The following TSNAX variants were observed in gnomAD, a reference collection of about 807,000 sequenced individuals.
The protein encoded by TSNAX is translin-associated protein X.
Under a neutral mutation model 33.0 loss-of-function variants are expected in TSNAX, and 12 were observed. The observed-to-expected ratio is 0.36, with a 90% CI of 0.23 to 0.59. The LOEUF (loss-of-function observed/expected upper bound fraction) is 0.59, where lower values mean the gene tolerates loss of function less well. Ranked by LOEUF, TSNAX falls within the 20% of genes least tolerant of loss-of-function variation. TSNAX has a pLI of 0.74. For missense variants in TSNAX, 267 were observed against 341.3 expected, an observed-to-expected ratio of 0.78 and a Z score of 1.72; for synonymous variants, 110 against 117.2, an observed-to-expected ratio of 0.94 and a Z score of 0.40.
chr1:231,557,496 A>C (rs938112794), intron 4 of TSNAX, among the ~76,000 whole-genome samples: 1 of 152,196 alleles, frequency 6.6e-6, no homozygotes, highest in Non-Finnish European at 1.5e-5. Flanking sequence ...GCTAGATTGA[A>C]GTAGGTTGAG....
At chr1:231,542,332 TCTCC>T (rs1207080754) in intron 3 of TSNAX, 145 bp from the exon 4 acceptor site, 1 of 728,438 alleles carries the variant, frequency 1.4e-6, no homozygotes, top group Non-Finnish European at 2.1e-6. Flanking sequence ...ATTTTCATGT[TCTCC>T]ATACTATGAA....
chr1:231,559,317 TTTGTTG>T lies in TSNAX; in HGVS notation c.368-1790_368-1785del, dbSNP rs71179786. Among the ~76,000 whole-genome samples, 677 of 151,320 alleles carry T rather than the reference TTTGTTG, an allele frequency of 4.5e-3. 5 individuals are homozygous for T. Among genetic ancestry groups the T allele is most frequent in the African/African-American group, 0.015 (637 of 41,152 alleles). On this transcript the variant is annotated intron_variant, in intron 4 of 5. Transcript: ENST00000366639. ...TGAAAATTGTGGCTATAGAATATAG[TTTGTTG>T]TTGTTGTTGTTGTTGTTGTTTTTGA...
chr1:231,534,854 A>G (rs979601050), intron 2 of TSNAX: 7 of 152,234 alleles, frequency 4.6e-5, no homozygotes, highest in African/African-American at 1.7e-4. Flanking sequence ...TGGTGAAACA[A>G]GTGCATTTAC....
chr1:231,533,734 TTTA>T (rs147835883), intron 2 of TSNAX, among the ~76,000 whole-genome samples: 3,366 of 152,306 alleles, frequency 0.022, 127 homozygotes, highest in African/African-American at 0.077. Context: ...CCACTTTTGC[TTTA>T]TTATTCTCTC....
At chr1:231,557,497 G>C (rs1323212449) in intron 4 of TSNAX, among the ~76,000 whole-genome samples, 4 of 152,204 alleles carry the variant, frequency 2.6e-5, no homozygotes, top group Non-Finnish European at 1.5e-5. Flanking sequence ...CTAGATTGAA[G>C]TAGGTTGAGA....
At chr1:231,554,791 A>T (rs1660581769) in intron 4 of TSNAX, 1 of 152,178 alleles carries the variant, frequency 6.6e-6, no homozygotes, top group African/African-American at 2.4e-5. Flanking sequence ...TTTTATATGG[A>T]GATGACTGTC....
rs144624165 is a variant in TSNAX, at chr1:231,531,612, C to T, written c.121+2253C>T. On this transcript the variant is annotated intron_variant, in intron 2 of 5. Coordinates refer to ENST00000366639, the MANE Select transcript of TSNAX (RefSeq NM_005999.3). ...AATGAATACATATTGATTATCTTAA[C>T]CCTGGCCTAGTTATTATCTCAGTAA... Among the ~76,000 whole-genome samples the T allele has an allele frequency of 5.9e-4, 90 of 152,180 alleles. 1 individual carries two copies. Among genetic ancestry groups the T allele is most frequent in the Admixed American group, 5.5e-3 (84 of 15,296 alleles).
At chr1:231,556,647 G>A (rs1660715561) in intron 4 of TSNAX, among the ~76,000 whole-genome samples, 2 of 152,188 alleles carry the variant, frequency 1.3e-5, no homozygotes, top group Admixed American at 6.5e-5. Flanking sequence ...GAAAATATGT[G>A]TGTATTGCCT....
Position 231,532,163 on chromosome 1 carries a change from CACACACACACACACACACACACAG to C in TSNAX, c.121+2805_121+2828del, listed in dbSNP as rs1172375050. On this transcript the variant is annotated intron_variant, in intron 2 of 5. Coordinates refer to ENST00000366639, the MANE Select transcript of TSNAX (RefSeq NM_005999.3). ...ACACACACACACACACACACACACA[CACACACACACACACACACACACAG>C]TTTTGGTTTTTTTTTTTTTTTGGAG... 5.8e-3 allele frequency among the ~76,000 whole-genome samples: 539 copies of C among 92,570 alleles called. 6 individuals carry two copies. The highest frequency in any genetic ancestry group is 0.018 in the African/African-American group (506 of 27,380). The allele number at this position is 92,570 out of a possible 152,430, so 60.7% of individuals were successfully genotyped here.
chr1:231,538,517 G>A (rs1180574147), intron 3 of TSNAX, among the ~76,000 whole-genome samples: 1 of 152,100 alleles, frequency 6.6e-6, no homozygotes, highest in South Asian at 2.1e-4. Context: ...CCTGTTTCAC[G>A]AGAGGTAGAA....
intron 4 of TSNAX, among the ~76,000 whole-genome samples, chr1:231,556,386 T>C (rs1660695602): frequency 6.6e-6 from 1 of 152,194 alleles, no homozygotes; most frequent in African/African-American, 2.4e-5. Flanking sequence ...TGAATGAAAC[T>C]AAACTATATG....
At chr1:231,541,958 C>T (rs184541876) in intron 3 of TSNAX, among the ~76,000 whole-genome samples, 82 of 152,322 alleles carry the variant, frequency 5.4e-4, no homozygotes, top group Admixed American at 2.6e-3. Context: ...TCCCCCAAAA[C>T]TCCCAACTCC....
intron 1 of TSNAX, 74 bp downstream of exon 1, chr1:231,528,900 C>T: frequency 6.3e-7 from 1 of 1,587,770 alleles, no homozygotes; most frequent in South Asian, 1.1e-5. Context: ...GCAGTTTTCC[C>T]CTTTTCACCC....
intron 4 of TSNAX, among the ~76,000 whole-genome samples, chr1:231,551,798 TAAAA>T: frequency 1.3e-5 from 1 of 77,728 alleles, no homozygotes; most frequent in African/African-American, 4.0e-5. Flanking sequence ...TACAAAAAAG[TAAAA>T]AAAAAAAAAA....
rs182765073 is a variant in TSNAX, at chr1:231,545,539, T to G, written c.367+2928T>G. ...TGAAATAAGTCTTTAAAAAAAAATT[T>G]GTGTCCTGTCATTTTTTTTTTCCCT... is the stretch of plus-strand genomic sequence containing the variant. On this transcript the variant is annotated intron_variant, in intron 4 of 5. Coordinates refer to ENST00000366639, the MANE Select transcript of TSNAX (RefSeq NM_005999.3). Among the ~76,000 whole-genome samples, 11 of 152,296 alleles carry G rather than the reference T, an allele frequency of 7.2e-5. No individual in the cohort carries two copies. In the East Asian group the frequency reaches 2.1e-3, roughly 29 times the overall value.
rs769366885 is a variant in TSNAX at position 231,564,696 on chromosome 1, C to A, written c.664C>A (p.Arg222Ser). 8.7e-6 allele frequency: 14 copies of A among 1,614,064 alleles called. No homozygotes were observed. The highest frequency in any genetic ancestry group is 1.2e-5 in the Non-Finnish European group (14 of 1,180,016). ...DTPFEVSQFLRQVYDGFSFIG... is the reference protein window; with the variant it reads ...DTPFEVSQFLSQVYDGFSFIG... ...CCCCTTTGAAGTGAGCCAGTTTTTA[C>A]GTCAGGTTTATGATGGGTTTTCATT... Residue 222 changes from arginine (R) to serine (S), a missense_variant, in exon 6 of 6, where the codon CGT becomes AGT. By Grantham distance (110) the Arg-to-Ser change is moderately radical. Transcript: ENST00000366639.
chr1:231,539,967 T>C (rs7519641), intron 3 of TSNAX, among the ~76,000 whole-genome samples: 1,989 of 152,190 alleles, frequency 0.013, 36 homozygotes, highest in African/African-American at 0.045. Flanking sequence ...GGCAGATCAC[T>C]TGAGGTCAGG....
chr1:231,548,283 T>C (rs1160303571), intron 4 of TSNAX, among the ~76,000 whole-genome samples: 1 of 152,242 alleles, frequency 6.6e-6, no homozygotes, highest in East Asian at 1.9e-4. Flanking sequence ...GTATAAACCC[T>C]ACTATGTAAA....
intron 2 of TSNAX, among the ~76,000 whole-genome samples, chr1:231,532,615 T>A (rs920060013): frequency 2.6e-5 from 4 of 152,172 alleles, no homozygotes; most frequent in African/African-American, 9.7e-5. Flanking sequence ...GGTGTTTATA[T>A]TATTAATATA....
Sources: allele counts gnomAD v4.1 joint callset (sites outside exome capture counted in the v4.1 genomes callset), GRCh38; gene constraint gnomAD v4.1.1; transcripts MANE v1.5; gene names NCBI Gene and HGNC (gene_info 2026-07-23, HGNC 2026-07-21).